Variants in MYOM2 observed in about 807,000 individuals in gnomAD.
MYOM2 encodes the protein myomesin-2.
MYOM2 carries 254 observed loss-of-function variants against 187.6 expected under a neutral mutation model. The ratio of observed to expected loss-of-function variants is 1.35; its 90% CI spans 1.22 to 1.50. MYOM2 has a LOEUF of 1.50. Among genes scored for constraint, MYOM2 ranks in the 40% most tolerant of loss-of-function variants. MYOM2 has a pLI of 0.00. For missense variants in MYOM2, 2,796 were observed against 1,924.0 expected, an observed-to-expected ratio of 1.45 and a Z score of -8.48; for synonymous variants, 981 against 753.8, an observed-to-expected ratio of 1.30 and a Z score of -4.94.
intron 2 of MYOM2, among the ~76,000 whole-genome samples, chr8:2,051,466 G>T (rs1202349595): frequency 6.6e-6 from 1 of 152,198 alleles, no homozygotes; most frequent in East Asian, 1.9e-4. Context: ...TGATTGGAAG[G>T]CTGTGGTGAA....
chr8:2,142,825 G>C (rs1331288708), intron 35 of MYOM2, among the ~76,000 whole-genome samples: 1 of 149,654 alleles, frequency 6.7e-6, no homozygotes, highest in Non-Finnish European at 1.5e-5. Flanking sequence ...GCATGATCTC[G>C]GCCCATTGCA....
At chr8:2,109,986 G>A (rs910277989) in intron 25 of MYOM2, among the ~76,000 whole-genome samples, 3 of 152,186 alleles carry the variant, frequency 2.0e-5, no homozygotes, top group African/African-American at 7.2e-5. Context: ...TGTTTGGGCA[G>A]CAATCTTGGT....
At chr8:2,134,426 C>G (rs188749496) in intron 32 of MYOM2, among the ~76,000 whole-genome samples, 3 of 152,172 alleles carry the variant, frequency 2.0e-5, no homozygotes, top group Non-Finnish European at 2.9e-5. Flanking sequence ...CAATGTCTGC[C>G]CCGTCTCTTC....
chr8:2,131,740 T>C (rs1362309606), intron 32 of MYOM2, among the ~76,000 whole-genome samples: 4 of 150,610 alleles, frequency 2.7e-5, no homozygotes, highest in African/African-American at 9.8e-5. Context: ...GCCTCCCAGG[T>C]TCACGCCATT....
At chr8:2,092,130 T>C (rs926327329) in intron 15 of MYOM2, among the ~76,000 whole-genome samples, 1 of 152,096 alleles carries the variant, frequency 6.6e-6, no homozygotes, top group Non-Finnish European at 1.5e-5. Flanking sequence ...AGGAGTTGTG[T>C]GGAGCTTGGG....
intron 25 of MYOM2, among the ~76,000 whole-genome samples, chr8:2,110,498 C>T (rs998341845): frequency 2.6e-5 from 4 of 152,272 alleles, no homozygotes; most frequent in East Asian, 3.9e-4. Context: ...CTAATTATAG[C>T]GTGCCTGGGA....
intron 8 of MYOM2, among the ~76,000 whole-genome samples, chr8:2,070,324 C>G (rs1275696030): frequency 3.3e-5 from 5 of 152,214 alleles, no homozygotes; most frequent in African/African-American, 7.2e-5. Flanking sequence ...GAGAGTTGAC[C>G]GAAGCAACGA....
intron 15 of MYOM2, among the ~76,000 whole-genome samples, chr8:2,091,653 A>C (rs1420274064): frequency 6.6e-6 from 1 of 152,232 alleles, no homozygotes. Flanking sequence ...TCAAGTTTCT[A>C]TCTGGCTCTG....
Position 2,069,395 on chromosome 8 carries a change from A to C in MYOM2, c.742+29A>C, listed in dbSNP as rs111752906. 1,167 of 1,613,132 alleles carry C rather than the reference A, an allele frequency of 7.2e-4. 17 individuals carry two copies. The African/African-American group carries it at 0.013, about 18-fold the overall frequency. On this transcript the variant is annotated intron_variant, in intron 7 of 36. Transcript: ENST00000262113. Reference sequence around the variant, plus strand: ...AGTGCCGGGTGGGCTTTCACGGGGCACCTCCCGCCTCCTTTTCTCTTTTCT... The same window carrying C: ...AGTGCCGGGTGGGCTTTCACGGGGCCCCTCCCGCCTCCTTTTCTCTTTTCT...
rs1380363230 is a variant in MYOM2, at chr8:2,045,576, A to G, written c.-13+408A>G. 3.3e-5 allele frequency among the ~76,000 whole-genome samples: 5 copies of G among 152,374 alleles called. No individual in the cohort carries two copies. In the East Asian group the frequency reaches 9.6e-4, roughly 29 times the overall value. On this transcript the variant is annotated intron_variant, in intron 1 of 36. Transcript: ENST00000262113. ...TGACTTATAAAGGTGTGAAATAATAAAACTGGATATTTTCTTAAGGGAAAA... is the reference window on the plus strand; with the variant it reads ...TGACTTATAAAGGTGTGAAATAATAGAACTGGATATTTTCTTAAGGGAAAA...
intron 11 of MYOM2, among the ~76,000 whole-genome samples, chr8:2,078,299 G>A (rs1333014077): frequency 1.3e-5 from 2 of 152,204 alleles, no homozygotes; most frequent in Admixed American, 1.3e-4. Flanking sequence ...GACGGGAGCT[G>A]GAGGCAGAGG....
intron 6 of MYOM2, among the ~76,000 whole-genome samples, chr8:2,065,387 G>T (rs1031129607): frequency 6.6e-6 from 1 of 152,144 alleles, no homozygotes; most frequent in African/African-American, 2.4e-5. Context: ...TGAGCAACAT[G>T]GTGAAACCCT....
At chr8:2,139,737 G>A (rs918313347) in intron 32 of MYOM2, among the ~76,000 whole-genome samples, 5 of 152,122 alleles carry the variant, frequency 3.3e-5, no homozygotes, top group Admixed American at 6.5e-5. Context: ...ATGCACCTGT[G>A]ACTATGACTT....
intron 1 of MYOM2, among the ~76,000 whole-genome samples, chr8:2,048,204 C>T (rs551355381): frequency 7.0e-4 from 106 of 152,334 alleles, no homozygotes; most frequent in Admixed American, 1.1e-3. Context: ...ATTGCTCATG[C>T]GTCTGCTGGA....
At chr8:2,059,613 T>C (rs1818785060) in intron 6 of MYOM2, among the ~76,000 whole-genome samples, 1 of 152,148 alleles carries the variant, frequency 6.6e-6, no homozygotes, top group Admixed American at 6.5e-5. Flanking sequence ...TATTTTCTTT[T>C]ATAACAAATC....
intron 8 of MYOM2, among the ~76,000 whole-genome samples, chr8:2,071,872 G>C (rs1819233728): frequency 6.6e-6 from 1 of 152,094 alleles, no homozygotes; most frequent in South Asian, 2.1e-4. Flanking sequence ...GGAAGGTCTG[G>C]CCTCTTCCTC....
intron 1 of MYOM2, among the ~76,000 whole-genome samples, chr8:2,046,654 G>A (rs1818319861): frequency 6.6e-6 from 1 of 152,148 alleles, no homozygotes; most frequent in Non-Finnish European, 1.5e-5. Flanking sequence ...GTCCCCACTG[G>A]AGTCTCAGCC....
chr8:2,129,707 C>T (rs1322091371), intron 32 of MYOM2, among the ~76,000 whole-genome samples: 3 of 152,202 alleles, frequency 2.0e-5, no homozygotes, highest in South Asian at 2.1e-4. Flanking sequence ...GTATTTCATG[C>T]TTCTCTGGGT....
intron 36 of MYOM2, 149 bp downstream of exon 36, chr8:2,143,605 C>T: frequency 1.1e-6 from 1 of 899,668 alleles, no homozygotes. Context: ...CCCCACTTTT[C>T]TGCCCCTCCT....
Sources: gnomAD v4.1 joint callset for allele counts (sites outside exome capture counted in the v4.1 genomes callset) on GRCh38, gnomAD v4.1.1 for gene constraint, MANE v1.5 for transcripts, NCBI Gene and HGNC (gene_info 2026-07-23, HGNC 2026-07-21) for gene names.